The following UQCC1 variants were observed in gnomAD, a reference collection of about 807,000 sequenced individuals.
The protein encoded by UQCC1 is bFGF-repressed Zic-binding protein.
In UQCC1, 38 loss-of-function variants were observed where a neutral mutation model predicts 48.0. That is an observed-to-expected ratio of 0.79 (90% CI 0.61 to 1.04). The LOEUF is 1.04. Among genes scored for constraint, UQCC1 ranks in the 50% least tolerant of loss-of-function variants. The pLI is 0.00. For synonymous variants in UQCC1, 111 were observed against 129.2 expected (o/e 0.86, Z 0.95); for missense variants, 368 against 381.8 (o/e 0.96, Z 0.30).
At chr20:35,316,946 T>G (rs2061067442) in intron 7 of UQCC1, among the ~76,000 whole-genome samples, 1 of 132,276 alleles carries the variant, frequency 7.6e-6, no homozygotes, top group Non-Finnish European at 1.6e-5. Flanking sequence ...CCCATTTCCT[T>G]TTTTTTTGAG....
In UQCC1 at chr20:35,360,642, C is replaced by A. The variant is rs1258924180; in HGVS notation, c.464+5915G>T. On this transcript the variant is annotated intron_variant, in intron 6 of 9. Coordinates refer to ENST00000374385, the MANE Select transcript of UQCC1 (RefSeq NM_018244.5). ...CTCAATCCCATATAGTCTGTTCTGG[C>A]CCCCAGAAGGCCAAGGCAACTGCTT... 2.6e-5 allele frequency among the ~76,000 whole-genome samples: 4 copies of A among 152,058 alleles called. No homozygotes were observed. The East Asian group carries it at 7.7e-4, about 29-fold the overall frequency.
At chr20:35,372,196 C>A (rs931614570) in intron 5 of UQCC1, among the ~76,000 whole-genome samples, 1 of 151,740 alleles carries the variant, frequency 6.6e-6, no homozygotes, top group Non-Finnish European at 1.5e-5. Flanking sequence ...CCTGTAATCC[C>A]AGCTACTTGG....
intron 6 of UQCC1, among the ~76,000 whole-genome samples, chr20:35,358,631 C>T (rs985001393): frequency 2.0e-5 from 3 of 152,090 alleles, no homozygotes; most frequent in African/African-American, 7.2e-5. Flanking sequence ...ATGATATTGG[C>T]TCACTGCAAT....
Position 35,304,128 on chromosome 20 carries a change from A to G in UQCC1, c.766-59T>C, listed in dbSNP as rs1461854610. 6 of 1,607,234 alleles carry G rather than the reference A, an allele frequency of 3.7e-6. No individual in the cohort carries two copies. In the South Asian group the frequency reaches 6.6e-5, roughly 18 times the overall value. On this transcript the variant is annotated intron_variant, in intron 9 of 9. Transcript: ENST00000374385. ...AGAGGCAGGGCAGAGGTGAGGAGCC[A>G]GCGTCAGGAACCAGCCTCCCAGAGG...
chr20:35,395,044 G>A (rs770263363), intron 1 of UQCC1, among the ~76,000 whole-genome samples: 3 of 152,042 alleles, frequency 2.0e-5, no homozygotes, highest in Non-Finnish European at 4.4e-5. Context: ...CAAAAGACAG[G>A]GTACGGGGTG....
At chr20:35,348,371 TTTTTGTTTTGTTTTG>T (rs142041816) in intron 6 of UQCC1, among the ~76,000 whole-genome samples, 38 of 150,932 alleles carry the variant, frequency 2.5e-4, no homozygotes, top group Non-Finnish European at 3.5e-4. Context: ...AGTTCATTCT[TTTTTGTTTTGTTTTG>T]TTTTGTTTTG....
chr20:35,411,189 C>T lies in UQCC1; in HGVS notation c.24+751G>A, dbSNP rs565153266. On this transcript the variant is annotated intron_variant, in intron 1 of 9. Transcript: ENST00000374385. ...TATCCTAACGTTTTTTCTGCTGCCA[C>T]TTTCTTTTCTCCTTTAATTGCTAGA... Among the ~76,000 whole-genome samples, 13 of 152,322 alleles carry T rather than the reference C, an allele frequency of 8.5e-5. No individual in the cohort carries two copies. In the South Asian group the frequency reaches 2.5e-3, roughly 29 times the overall value.
At chr20:35,312,985 C>T (rs776867459) in intron 8 of UQCC1, among the ~76,000 whole-genome samples, 14 of 151,988 alleles carry the variant, frequency 9.2e-5, no homozygotes, top group South Asian at 2.1e-4. Context: ...ATGGTGGTGA[C>T]GGTGCAAAGC....
intron 8 of UQCC1, among the ~76,000 whole-genome samples, chr20:35,314,377 A>G (rs1438204995): frequency 6.6e-6 from 1 of 151,630 alleles, no homozygotes; most frequent in South Asian, 2.1e-4. Context: ...CTGGGAGCAC[A>G]TGGGGCTAAG....
At chr20:35,387,005 G>A (rs1037287423) in intron 2 of UQCC1, among the ~76,000 whole-genome samples, 1 of 152,066 alleles carries the variant, frequency 6.6e-6, no homozygotes, top group African/African-American at 2.4e-5. Context: ...GGCTGGGCGT[G>A]GTGGCTGACG....
At chr20:35,328,166 C>T (rs1315111916) in intron 7 of UQCC1, among the ~76,000 whole-genome samples, 2 of 152,054 alleles carry the variant, frequency 1.3e-5, no homozygotes, top group Non-Finnish European at 2.9e-5. Context: ...AGTTAGAATG[C>T]TGTATGTTAA....
intron 1 of UQCC1, among the ~76,000 whole-genome samples, chr20:35,402,597 A>T (rs2062181737): frequency 6.9e-6 from 1 of 145,952 alleles, no homozygotes; most frequent in Non-Finnish European, 1.5e-5. Flanking sequence ...ACAAACAAAC[A>T]AACAAACAAA....
At chr20:35,337,583 T>C (rs541007059) in intron 7 of UQCC1, among the ~76,000 whole-genome samples, 2 of 152,306 alleles carry the variant, frequency 1.3e-5, no homozygotes, top group East Asian at 3.9e-4. Flanking sequence ...TCAGGGTTCC[T>C]TTCCAGTTTA....
chr20:35,347,213 A>G lies in UQCC1; in HGVS notation c.524T>C (p.Ile175Thr). ...GRSGKYMCRI[I>T]VHFMWEDVQQ... The stretch of plus-strand genomic sequence containing the variant: ...AACATCCTCCCACATAAAATGAACT[A>G]TGATACGACACATGTACTTCCCACT... The change falls in exon 7 of 10, where the codon ATA (isoleucine) becomes ACA (threonine). Residue 175 changes from isoleucine to threonine, a missense_variant. Coordinates refer to ENST00000374385, the MANE Select transcript of UQCC1 (RefSeq NM_018244.5). The G allele has an allele frequency of 1.9e-6, 3 of 1,614,166 alleles. No individual in the cohort carries two copies. Among genetic ancestry groups the G allele is most frequent in the Non-Finnish European group, 2.5e-6 (3 of 1,180,034 alleles).
At chr20:35,401,309 A>G (rs781317638) in intron 1 of UQCC1, among the ~76,000 whole-genome samples, 11 of 152,208 alleles carry the variant, frequency 7.2e-5, no homozygotes, top group Non-Finnish European at 1.0e-4. Flanking sequence ...GCCTTCTCGC[A>G]CTCAGCAATG....
intron 7 of UQCC1, among the ~76,000 whole-genome samples, chr20:35,328,782 T>A (rs1388255846): frequency 6.6e-6 from 1 of 152,210 alleles, no homozygotes. Flanking sequence ...CACTCAGCCC[T>A]GCCCTGGGAT....
At chr20:35,401,448 T>C (rs1243341421) in intron 1 of UQCC1, among the ~76,000 whole-genome samples, 1 of 152,092 alleles carries the variant, frequency 6.6e-6, no homozygotes, top group Non-Finnish European at 1.5e-5. Flanking sequence ...GTATGAAAAC[T>C]GAAACAAGAA....
chr20:35,350,552 C>T (rs2061479731), intron 6 of UQCC1, among the ~76,000 whole-genome samples: 1 of 149,494 alleles, frequency 6.7e-6, no homozygotes, highest in Non-Finnish European at 1.5e-5. Context: ...CAAAAATTAG[C>T]CAGGTGTGGT....
In UQCC1 at chr20:35,308,856, G is replaced by A. The variant is rs1245994815; in HGVS notation, c.652-2077C>T. 2.6e-5 allele frequency among the ~76,000 whole-genome samples: 4 copies of A among 152,030 alleles called. No homozygotes were observed. In the East Asian group the frequency reaches 5.8e-4, roughly 22 times the overall value. ...CAGCCTCCCAAGTAGCTGGGACTAC[G>A]GGCATGTGCCATCACACCCGGCTAA... On this transcript the variant is annotated intron_variant, in intron 8 of 9. Coordinates refer to ENST00000374385, the MANE Select transcript of UQCC1 (RefSeq NM_018244.5).
Sources: gnomAD v4.1 joint callset for allele counts (sites outside exome capture counted in the v4.1 genomes callset) on GRCh38, gnomAD v4.1.1 for gene constraint, MANE v1.5 for transcripts, NCBI Gene and HGNC (gene_info 2026-07-23, HGNC 2026-07-21) for gene names.